The following UBXN11 variants were observed in gnomAD, a reference collection of about 807,000 sequenced individuals.
UBXN11 encodes the protein UBX domain-containing protein 11.
In UBXN11, 47 loss-of-function variants were observed where a neutral mutation model predicts 62.8. That is an observed-to-expected ratio of 0.75 (90% CI 0.59 to 0.95). The LOEUF (loss-of-function observed/expected upper bound fraction) is 0.95. UBXN11 is among the 40% of genes least tolerant of loss of function. The pLI, the probability that UBXN11 is intolerant of heterozygous loss-of-function variation, is 0.00. For missense variants in UBXN11, 638 were observed against 661.7 expected (o/e 0.96, Z 0.39); for synonymous variants, 294 against 267.0 (o/e 1.10, Z -0.99).
At chr1:26,298,140 G>T in intron 4 of UBXN11, 78 bp from the exon 5 acceptor site, 1 of 1,465,238 alleles carries the variant, frequency 6.8e-7, no homozygotes, top group Non-Finnish European at 9.3e-7. Flanking sequence ...GAGGATAGGG[G>T]TCCCAGGAAT....
chr1:26,304,338 T>G (rs2124673201), intron 1 of UBXN11, among the ~76,000 whole-genome samples: 1 of 152,322 alleles, frequency 6.6e-6, no homozygotes, highest in East Asian at 1.9e-4. Flanking sequence ...CCTCACGGGT[T>G]GTATGGCCAA....
At chr1:26,298,305 C>T (rs1370825841) in intron 4 of UBXN11, among the ~76,000 whole-genome samples, 1 of 152,126 alleles carries the variant, frequency 6.6e-6, no homozygotes, top group East Asian at 1.9e-4. Flanking sequence ...GTAATTTGTC[C>T]AACATATACA....
rs775625884 is a variant in UBXN11 at position 26,298,009 on chromosome 1, C to A, written c.253G>T (p.Asp85Tyr). Reference protein sequence around the residue: ...LMAFMTRKLWDLEQQVKAQTD... With the variant: ...LMAFMTRKLWYLEQQVKAQTD... ...TGGGCCTTCACCTGCTGCTCCAGGT[C>A]CCACAACTTCCTCGTCATGAAGGCC... Residue 85 changes from aspartate to tyrosine, a missense_variant, in exon 5 of 15, where the codon GAC becomes TAC. Physicochemically the swap from Asp to Tyr is radical, Grantham distance 160. Transcript: ENST00000374222. The A allele has an allele frequency of 1.2e-6, 2 of 1,614,012 alleles. No individual in the cohort carries two copies. Among genetic ancestry groups the A allele is most frequent in the Admixed American group, 1.7e-5 (1 of 60,012 alleles).
intron 4 of UBXN11, 101 bp downstream of exon 4, chr1:26,300,825 C>A: frequency 6.4e-7 from 1 of 1,569,234 alleles, no homozygotes. Context: ...TGCCTCAGAC[C>A]AAACAGGCGA....
intron 3 of UBXN11, 149 bp from the exon 4 acceptor site, chr1:26,301,173 C>T: frequency 2.1e-6 from 3 of 1,452,192 alleles, no homozygotes; most frequent in Non-Finnish European, 2.8e-6. Context: ...AGCAAGGATC[C>T]AACCAGAATG....
At chr1:26,284,085 C>T in intron 12 of UBXN11, 57 bp downstream of exon 12, 1 of 1,513,022 alleles carries the variant, frequency 6.6e-7, no homozygotes, top group Non-Finnish European at 8.9e-7. Flanking sequence ...GCAGGCTGGA[C>T]CAGGGCTGGT....
chr1:26,283,991 A>C, intron 12 of UBXN11, 151 bp downstream of exon 12: 2 of 834,100 alleles, frequency 2.4e-6, no homozygotes, highest in Non-Finnish European at 3.7e-6. Flanking sequence ...CCAGCCTCAC[A>C]GTTTCCAGGA....
chr1:26,311,033 G>A (rs980741601), upstream of UBXN11, among the ~76,000 whole-genome samples: 1 of 152,150 alleles, frequency 6.6e-6, no homozygotes, highest in Non-Finnish European at 1.5e-5. Context: ...GCCCTGGCCT[G>A]GGAGGAGGGA....
upstream of UBXN11, chr1:26,306,837 G>GGGGGGGGGGGGGGT (rs2073682363): frequency 1.6e-5 from 1 of 63,372 alleles, no homozygotes; most frequent in Non-Finnish European, 3.5e-5. Context: ...GGTGGGGGGG[G>GGGGGGGGGGGGGGT]GGGGTGGTTC....
chr1:26,287,557 G>C (rs1362089086), intron 8 of UBXN11, among the ~76,000 whole-genome samples: 2 of 151,940 alleles, frequency 1.3e-5, no homozygotes, highest in Non-Finnish European at 2.9e-5. Context: ...GGACAAGCAG[G>C]CTGCGGCAGG....
chr1:26,296,310 GCA>G (rs2073390962), intron 7 of UBXN11, among the ~76,000 whole-genome samples: 1 of 152,248 alleles, frequency 6.6e-6, no homozygotes, highest in African/African-American at 2.4e-5. Context: ...GGTCCTGGGT[GCA>G]CAGTGACATA....
At chr1:26,298,150 T>C in intron 4 of UBXN11, 88 bp from the exon 5 acceptor site, 1 of 1,396,960 alleles carries the variant, frequency 7.2e-7, no homozygotes, top group Non-Finnish European at 9.8e-7. Context: ...GTCCCAGGAA[T>C]GGAAATGAAG....
intron 1 of UBXN11, among the ~76,000 whole-genome samples, chr1:26,312,336 C>T (rs137928967): frequency 6.6e-6 from 1 of 152,228 alleles, no homozygotes; most frequent in East Asian, 1.9e-4. Flanking sequence ...ACTGCAATCT[C>T]CACCTCTGGG....
chr1:26,289,174 C>T (rs993725099), intron 8 of UBXN11, among the ~76,000 whole-genome samples: 6 of 152,210 alleles, frequency 3.9e-5, no homozygotes, highest in African/African-American at 1.4e-4. Flanking sequence ...CTCTGTAACC[C>T]TGGGCCTCTA....
At position 26,302,866 on chromosome 1, in the gene UBXN11, G is replaced by C; in HGVS notation, c.18C>G (p.Ala6=). ...GCACTTTTCGGGTCTTGCTAAGGGA[G>C]GCCAAAGGTGAGCTCATAGTTCTAC... MSSPL[A]SLSKTRKVPL... is the part of the protein sequence containing the mutation. Residue 6 remains alanine (A), a synonymous_variant, in exon 2 of 15, where the codon GCC becomes GCG. Coordinates refer to ENST00000374222, the MANE Select transcript of UBXN11 (RefSeq NM_001389556.1). 1 of 1,613,884 alleles carries C rather than the reference G, an allele frequency of 6.2e-7. No individual in the cohort carries two copies. The highest frequency in any genetic ancestry group is 2.2e-5 in the East Asian group (1 of 44,884).
At chr1:26,309,880 AT>A (rs1386752298), upstream of UBXN11, among the ~76,000 whole-genome samples, 1 of 152,212 alleles carries the variant, frequency 6.6e-6, no homozygotes, top group East Asian at 1.9e-4. Flanking sequence ...GCTGAAAAAA[AT>A]ATATACACTA....
chr1:26,309,496 C>A (rs996672767), upstream of UBXN11, among the ~76,000 whole-genome samples: 1 of 152,022 alleles, frequency 6.6e-6, no homozygotes, highest in African/African-American at 2.4e-5. Context: ...CCTCAGCCTC[C>A]CAAAGTGCTG....
intron 3 of UBXN11, 31 bp downstream of exon 3, chr1:26,301,663 C>A: frequency 1.2e-6 from 2 of 1,612,332 alleles, no homozygotes; most frequent in Non-Finnish European, 1.7e-6. Context: ...ACATGAGAGG[C>A]GAAGAGGGCA....
chr1:26,305,884 C>T lies in UBXN11; in HGVS notation c.-36+708G>A, dbSNP rs56028817. Among the ~76,000 whole-genome samples, 117 of 152,300 alleles carry T rather than the reference C, an allele frequency of 7.7e-4. 1 individual carries two copies. Among genetic ancestry groups the T allele is most frequent in the African/African-American group, 2.7e-3 (112 of 41,562 alleles). ...GCCCCTTTCCATGGCCACCGTCGGC[C>T]GTCCTAGTGGGACTCTCACTGCCCA... On this transcript the variant is annotated intron_variant, in intron 1 of 14. Coordinates refer to ENST00000374222, the MANE Select transcript of UBXN11 (RefSeq NM_001389556.1).
Sources: allele counts gnomAD v4.1 joint callset (sites outside exome capture counted in the v4.1 genomes callset), GRCh38; gene constraint gnomAD v4.1.1; transcripts MANE v1.5; gene names NCBI Gene and HGNC (gene_info 2026-07-23, HGNC 2026-07-21).